Variants in VAV3 observed in about 807,000 individuals in gnomAD.
VAV3 encodes the protein guanine nucleotide exchange factor VAV3.
In VAV3, 94 loss-of-function variants were observed where a neutral mutation model predicts 131.2. That is an observed-to-expected ratio of 0.72 (90% CI 0.61 to 0.85). The LOEUF (loss-of-function observed/expected upper bound fraction) is 0.85. Among genes scored for constraint, VAV3 ranks in the 40% least tolerant of loss-of-function variants. The pLI is 0.00. For missense variants in VAV3, 939 were observed against 1,002.7 expected (o/e 0.94, Z 0.86); for synonymous variants, 349 against 342.0 (o/e 1.02, Z -0.22).
chr1:107,685,618 T>C (rs1253965397), intron 18 of VAV3: 1 of 152,136 alleles, frequency 6.6e-6, no homozygotes, highest in Non-Finnish European at 1.5e-5. Context: ...GAATAAACTA[T>C]GAACTGGTGT....
intron 2 of VAV3, among the ~76,000 whole-genome samples, chr1:107,837,776 C>G (rs894396762): frequency 6.6e-6 from 1 of 152,012 alleles, no homozygotes; most frequent in Non-Finnish European, 1.5e-5. Flanking sequence ...CAGTGAAAAT[C>G]AGAAAAGGGG....
At chr1:107,595,414 A>G (rs898009781) in intron 25 of VAV3, among the ~76,000 whole-genome samples, 2 of 130,304 alleles carry the variant, frequency 1.5e-5, no homozygotes, top group African/African-American at 5.3e-5. Flanking sequence ...AAATACCTCT[A>G]GATATCCCAG....
At chr1:107,622,509 T>A (rs1653684236) in intron 20 of VAV3, among the ~76,000 whole-genome samples, 1 of 152,198 alleles carries the variant, frequency 6.6e-6, no homozygotes, top group African/African-American at 2.4e-5. Context: ...CAGTGTCTCT[T>A]CCCTGTGGCT....
intron 1 of VAV3, among the ~76,000 whole-genome samples, chr1:107,960,785 G>A (rs759740229): frequency 2.0e-5 from 3 of 151,984 alleles, no homozygotes; most frequent in Non-Finnish European, 4.4e-5. Context: ...TCCTTCACTC[G>A]CTTCAGGTCC....
At chr1:107,580,028 T>C (rs765304204) in intron 25 of VAV3, among the ~76,000 whole-genome samples, 1 of 152,218 alleles carries the variant, frequency 6.6e-6, no homozygotes, top group Non-Finnish European at 1.5e-5. Flanking sequence ...TGACCTTTCC[T>C]AGCCCTCTGG....
intron 1 of VAV3, 54 bp downstream of exon 1, chr1:107,964,612 A>C: frequency 6.4e-7 from 1 of 1,571,378 alleles, no homozygotes; most frequent in Admixed American, 1.8e-5. Flanking sequence ...AATTAGCCGC[A>C]TGATTAATGG....
At chr1:107,818,622 C>T (rs1056611618) in intron 2 of VAV3, among the ~76,000 whole-genome samples, 4 of 152,070 alleles carry the variant, frequency 2.6e-5, no homozygotes, top group African/African-American at 4.8e-5. Context: ...CTCTCAAAAA[C>T]ATTTTTTAAA....
intron 17 of VAV3, among the ~76,000 whole-genome samples, chr1:107,696,032 T>G (rs1659722210): frequency 6.6e-6 from 1 of 152,178 alleles, no homozygotes; most frequent in South Asian, 2.1e-4. Flanking sequence ...TTATTATCTT[T>G]AATTGACACA....
chr1:107,772,863 A>G lies in VAV3; in HGVS notation c.447-20T>C. On this transcript the variant is annotated intron_variant, in intron 4 of 26. Coordinates refer to ENST00000370056, the MANE Select transcript of VAV3 (RefSeq NM_006113.5). Reference sequence around the variant, plus strand: ...GTTTCACTACAACAAAGGATATCATATAAGGTCATTTTCTATTATGCAGTA... The same window carrying G: ...GTTTCACTACAACAAAGGATATCATGTAAGGTCATTTTCTATTATGCAGTA... The G allele has an allele frequency of 6.3e-7, 1 of 1,599,446 alleles. No individual in the cohort carries two copies. Among genetic ancestry groups the G allele is most frequent in the Non-Finnish European group, 8.5e-7 (1 of 1,169,900 alleles).
intron 15 of VAV3, among the ~76,000 whole-genome samples, chr1:107,745,414 C>T (rs1248167009): frequency 2.6e-5 from 4 of 151,976 alleles, no homozygotes; most frequent in African/African-American, 7.2e-5. Flanking sequence ...ATCCTCCTGC[C>T]GTATCCAAGT....
intron 19 of VAV3, among the ~76,000 whole-genome samples, chr1:107,652,242 C>A (rs1041754433): frequency 6.6e-6 from 1 of 152,142 alleles, no homozygotes; most frequent in Non-Finnish European, 1.5e-5. Flanking sequence ...ACACTCCCAC[C>A]AGTGCCATGA....
rs578026585 is a variant in VAV3 at position 107,773,752 on chromosome 1, A to C, written c.447-909T>G. Among the ~76,000 whole-genome samples, 4 of 152,308 alleles carry C rather than the reference A, an allele frequency of 2.6e-5. No individual in the cohort carries two copies. The East Asian group carries it at 5.8e-4, about 22-fold the overall frequency. Reference sequence around the variant, plus strand: ...GGTTTAGGCGGCAATCTGGCCAGAGAACATTAGGGCAGGTAAATCGGTTTG... The same window carrying C: ...GGTTTAGGCGGCAATCTGGCCAGAGCACATTAGGGCAGGTAAATCGGTTTG... On this transcript the variant is annotated intron_variant, in intron 4 of 26. Coordinates refer to ENST00000370056, the MANE Select transcript of VAV3 (RefSeq NM_006113.5).
intron 2 of VAV3, among the ~76,000 whole-genome samples, chr1:107,857,210 G>A (rs1490668150): frequency 6.6e-6 from 1 of 152,154 alleles, no homozygotes; most frequent in East Asian, 1.9e-4. Flanking sequence ...AGGATATAAA[G>A]CAGGCAGAAA....
At chr1:107,907,176 A>G (rs1295656179) in intron 1 of VAV3, among the ~76,000 whole-genome samples, 1 of 152,230 alleles carries the variant, frequency 6.6e-6, no homozygotes, top group East Asian at 1.9e-4. Context: ...GGACTCGGAA[A>G]TTACATTTCT....
chr1:107,692,742 A>G (rs1355571610), intron 17 of VAV3, among the ~76,000 whole-genome samples: 1 of 152,226 alleles, frequency 6.6e-6, no homozygotes, highest in Non-Finnish European at 1.5e-5. Context: ...CAGCAGGAGC[A>G]GCAGCTGGCC....
intron 1 of VAV3, among the ~76,000 whole-genome samples, chr1:107,905,566 A>C (rs1672065876): frequency 6.6e-6 from 1 of 152,218 alleles, no homozygotes; most frequent in Admixed American, 6.5e-5. Flanking sequence ...TTTATGAATG[A>C]AACTTTACAT....
At chr1:107,848,898 GC>G (rs1394706173) in intron 2 of VAV3, among the ~76,000 whole-genome samples, 1 of 152,084 alleles carries the variant, frequency 6.6e-6, no homozygotes, top group African/African-American at 2.4e-5. Context: ...AAATCAATGT[GC>G]AAAAATCATA....
chr1:107,772,127 G>T (rs1263306133), intron 5 of VAV3, among the ~76,000 whole-genome samples: 1 of 152,174 alleles, frequency 6.6e-6, no homozygotes, highest in Admixed American at 6.5e-5. Flanking sequence ...TTTTTCTGTT[G>T]TTGTTTCAAA....
intron 1 of VAV3, among the ~76,000 whole-genome samples, chr1:107,925,030 G>A (rs1228242434): frequency 2.0e-5 from 3 of 152,104 alleles, no homozygotes. Flanking sequence ...ATAAAATATG[G>A]TACATTTATA....
Sources: allele counts gnomAD v4.1 joint callset (sites outside exome capture counted in the v4.1 genomes callset), GRCh38; gene constraint gnomAD v4.1.1; transcripts MANE v1.5; gene names NCBI Gene and HGNC (gene_info 2026-07-23, HGNC 2026-07-21).